Variants in C8orf34 observed in about 807,000 individuals in gnomAD.
C8orf34 encodes chromosome 8 open reading frame 34.
C8orf34 carries 65 observed loss-of-function variants against 68.3 expected under a neutral mutation model. The observed-to-expected ratio is 0.95, with a 90% confidence interval of 0.78 to 1.17. The LOEUF is 1.17. C8orf34 is among the 50% of genes most tolerant of loss of function. C8orf34 has a pLI of 0.00. For synonymous variants in C8orf34, 244 were observed against 241.2 expected, an observed-to-expected ratio of 1.01 and a Z score of -0.11; for missense variants, 664 against 655.4, an observed-to-expected ratio of 1.01 and a Z score of -0.14.
chr8:68,665,123 T>G (rs1819799532), intron 8 of C8orf34, among the ~76,000 whole-genome samples: 1 of 152,164 alleles, frequency 6.6e-6, no homozygotes, highest in African/African-American at 2.4e-5. Flanking sequence ...GGGAAAAAAA[T>G]CATCAAAATG....
At chr8:68,746,102 C>A (rs1165055355) in intron 10 of C8orf34, among the ~76,000 whole-genome samples, 1 of 152,198 alleles carries the variant, frequency 6.6e-6, no homozygotes, top group African/African-American at 2.4e-5. Flanking sequence ...CACTCAATTA[C>A]ATGGAAGCTG....
chr8:68,393,276 T>C (rs1808547712), intron 1 of C8orf34, among the ~76,000 whole-genome samples: 1 of 152,094 alleles, frequency 6.6e-6, no homozygotes, highest in Non-Finnish European at 1.5e-5. Context: ...TATGATTTGA[T>C]TAAATATAAA....
At chr8:68,611,144 G>A (rs1402987353) in intron 7 of C8orf34, among the ~76,000 whole-genome samples, 3 of 152,128 alleles carry the variant, frequency 2.0e-5, no homozygotes, top group Non-Finnish European at 2.9e-5. Flanking sequence ...GATTACAGGC[G>A]TGAGCCACTG....
intron 7 of C8orf34, among the ~76,000 whole-genome samples, chr8:68,617,268 G>A (rs1415547564): frequency 1.3e-5 from 2 of 152,138 alleles, no homozygotes; most frequent in East Asian, 1.9e-4. Flanking sequence ...TTTAATTGGA[G>A]CATTTAGTCC....
At chr8:68,678,635 T>C (rs1310659234) in intron 8 of C8orf34, among the ~76,000 whole-genome samples, 1 of 152,010 alleles carries the variant, frequency 6.6e-6, no homozygotes, top group East Asian at 1.9e-4. Context: ...CAGCTAGTAG[T>C]ATACTGAATG....
At chr8:68,526,795 A>G (rs1815013139) in intron 6 of C8orf34, among the ~76,000 whole-genome samples, 1 of 152,166 alleles carries the variant, frequency 6.6e-6, no homozygotes, top group Admixed American at 6.5e-5. Flanking sequence ...AAAAGAACGC[A>G]TGGAATCAGA....
chr8:68,728,933 T>C (rs1274221887), intron 10 of C8orf34, among the ~76,000 whole-genome samples: 2 of 152,236 alleles, frequency 1.3e-5, no homozygotes, highest in South Asian at 2.1e-4. Context: ...AGTTTGGATC[T>C]GATTGTGTGA....
At chr8:68,806,581 A>G (rs1185945314) in intron 12 of C8orf34, among the ~76,000 whole-genome samples, 3 of 152,172 alleles carry the variant, frequency 2.0e-5, no homozygotes, top group Non-Finnish European at 4.4e-5. Flanking sequence ...TTCAAATGTT[A>G]ACATTTTCCA....
At chr8:68,374,396 A>G (rs1452848805) in intron 1 of C8orf34, among the ~76,000 whole-genome samples, 1 of 152,138 alleles carries the variant, frequency 6.6e-6, no homozygotes, top group Non-Finnish European at 1.5e-5. Context: ...GTTTTCCCCA[A>G]TGCTGACTAG....
At chr8:68,757,229 G>T (rs1822888243) in intron 10 of C8orf34, among the ~76,000 whole-genome samples, 1 of 152,110 alleles carries the variant, frequency 6.6e-6, no homozygotes, top group Non-Finnish European at 1.5e-5. Context: ...CAACAAGAGA[G>T]CTCTGCAGGT....
At chr8:68,707,164 G>A (rs1315127831) in intron 8 of C8orf34, among the ~76,000 whole-genome samples, 1 of 152,160 alleles carries the variant, frequency 6.6e-6, no homozygotes, top group Non-Finnish European at 1.5e-5. Flanking sequence ...TTACAGAAGT[G>A]GTGCTGTGTG....
At chr8:68,570,222 A>G (rs117482838) in intron 7 of C8orf34, among the ~76,000 whole-genome samples, 233 of 152,322 alleles carry the variant, frequency 1.5e-3, no homozygotes, top group Admixed American at 3.4e-3. Context: ...GATTAAGAAA[A>G]TTTAAGTTTG....
chr8:68,343,764 T>C (rs1276913067), intron 1 of C8orf34, among the ~76,000 whole-genome samples: 1 of 152,080 alleles, frequency 6.6e-6, no homozygotes, highest in African/African-American at 2.4e-5. Flanking sequence ...CAGCTAATTT[T>C]TGTATTTTTG....
intron 7 of C8orf34, among the ~76,000 whole-genome samples, chr8:68,538,828 T>C (rs116305951): frequency 0.01 from 1,556 of 152,272 alleles, 36 homozygotes; most frequent in African/African-American, 0.034. Context: ...AAAATTATTC[T>C]ACTGTCTTTC....
intron 10 of C8orf34, among the ~76,000 whole-genome samples, chr8:68,743,639 T>C (rs1373964145): frequency 6.6e-6 from 1 of 152,094 alleles, no homozygotes; most frequent in Non-Finnish European, 1.5e-5. Context: ...ACCTGAAAAA[T>C]TGTGTCACTC....
At chr8:68,797,604 C>T (rs1215196228) in intron 12 of C8orf34, among the ~76,000 whole-genome samples, 1 of 152,056 alleles carries the variant, frequency 6.6e-6, no homozygotes, top group Non-Finnish European at 1.5e-5. Context: ...AGGCAGTCTC[C>T]CAAGATTTGT....
At chr8:68,536,218 A>G (rs1425757245) in intron 7 of C8orf34, among the ~76,000 whole-genome samples, 1 of 151,766 alleles carries the variant, frequency 6.6e-6, no homozygotes, top group African/African-American at 2.4e-5. Context: ...TCGTCTCTAC[A>G]AAAAATACTT....
intron 10 of C8orf34, among the ~76,000 whole-genome samples, chr8:68,755,243 T>A (rs190975736): frequency 1.3e-5 from 2 of 152,244 alleles, no homozygotes; most frequent in Admixed American, 6.5e-5. Flanking sequence ...CAAGATTCAG[T>A]GATGAGGGAA....
intron 7 of C8orf34, among the ~76,000 whole-genome samples, chr8:68,551,935 C>T (rs1816086070): frequency 6.6e-6 from 1 of 152,034 alleles, no homozygotes; most frequent in Non-Finnish European, 1.5e-5. Flanking sequence ...CATTGTTTTG[C>T]ATGTGGATAT....
Sources: allele counts gnomAD v4.1 joint callset (sites outside exome capture counted in the v4.1 genomes callset), GRCh38; gene constraint gnomAD v4.1.1; transcripts MANE v1.5; gene names NCBI Gene and HGNC (gene_info 2026-07-23, HGNC 2026-07-21).